SAMMSON: variants seen among roughly 807,000 people sequenced by gnomAD.
SAMMSON encodes survival associated mitochondrial melanoma specific oncogenic non-coding RNA, also known as long intergenic non-protein coding RNA 1212.
chr3:70,097,175 T>C (rs1403458368), intron 4 of SAMMSON, among the ~76,000 whole-genome samples: 3 of 152,126 alleles, frequency 2.0e-5, no homozygotes, highest in African/African-American at 4.8e-5. Flanking sequence ...TGGTAGATGA[T>C]TGTGGGATGA....
intron 4 of SAMMSON, among the ~76,000 whole-genome samples, chr3:70,210,436 GAC>G (rs1274712911): frequency 6.6e-6 from 1 of 152,038 alleles, no homozygotes; most frequent in Non-Finnish European, 1.5e-5. Flanking sequence ...CCAGAATTCT[GAC>G]ATCTGAAGTG....
At chr3:70,336,857 T>G (rs373176500) in intron 7 of SAMMSON, among the ~76,000 whole-genome samples, 8 of 126,406 alleles carry the variant, frequency 6.3e-5, no homozygotes, top group Non-Finnish European at 1.4e-4. Context: ...TGTGTGTGTG[T>G]GGAGAGAGAG....
intron 4 of SAMMSON, among the ~76,000 whole-genome samples, chr3:70,235,398 C>T (rs1701597771): frequency 6.6e-6 from 1 of 152,236 alleles, no homozygotes; most frequent in Admixed American, 6.5e-5. Flanking sequence ...TAATCCCTCA[C>T]AATTGGCTTC....
chr3:70,395,408 T>C (rs1179581205), intron 2 of SAMMSON, among the ~76,000 whole-genome samples: 1 of 150,934 alleles, frequency 6.6e-6, no homozygotes, highest in African/African-American at 2.4e-5. Context: ...TAAGAGATGT[T>C]TACTTCTACT....
intron 2 of SAMMSON, among the ~76,000 whole-genome samples, chr3:70,406,068 A>C (rs182166851): frequency 2.5e-4 from 38 of 152,224 alleles, no homozygotes; most frequent in South Asian, 4.1e-4. Context: ...TCATCACACA[A>C]AAAAAATGTA....
At chr3:70,318,989 T>G (rs192348911) in intron 7 of SAMMSON, among the ~76,000 whole-genome samples, 31 of 152,064 alleles carry the variant, frequency 2.0e-4, no homozygotes, top group Non-Finnish European at 3.4e-4. Flanking sequence ...TGAGCCAGAG[T>G]GTCTGCTAGT....
At chr3:70,158,460 T>TGAAC (rs2106691495) in intron 4 of SAMMSON, among the ~76,000 whole-genome samples, 1 of 152,220 alleles carries the variant, frequency 6.6e-6, no homozygotes, top group South Asian at 2.1e-4. Context: ...CACCAGTTGA[T>TGAAC]GAACATTTAG....
chr3:70,001,637 C>G (rs2066906077), intron 1 of SAMMSON, among the ~76,000 whole-genome samples: 1 of 152,220 alleles, frequency 6.6e-6, no homozygotes, highest in Non-Finnish European at 1.5e-5. Context: ...AAATAGCACT[C>G]TGATTTTATT....
chr3:70,311,353 C>A (rs1197910345), intron 7 of SAMMSON, among the ~76,000 whole-genome samples: 1 of 152,182 alleles, frequency 6.6e-6, no homozygotes, highest in East Asian at 1.9e-4. Flanking sequence ...AATCTGTACT[C>A]ATTAGGAGAA....
At chr3:70,061,792 G>GT (rs1332933469) in intron 3 of SAMMSON, among the ~76,000 whole-genome samples, 1 of 152,078 alleles carries the variant, frequency 6.6e-6, no homozygotes, top group Non-Finnish European at 1.5e-5. Flanking sequence ...AGCATCTCTG[G>GT]TTACCCTCTC....
At chr3:70,170,361 T>C (rs1700932084) in intron 4 of SAMMSON, among the ~76,000 whole-genome samples, 1 of 151,818 alleles carries the variant, frequency 6.6e-6, no homozygotes, top group Non-Finnish European at 1.5e-5. Flanking sequence ...TAAAAGAAGA[T>C]TTGTGATATA....
At chr3:70,226,682 G>A (rs1400035852) in intron 4 of SAMMSON, among the ~76,000 whole-genome samples, 1 of 149,388 alleles carries the variant, frequency 6.7e-6, no homozygotes, top group Non-Finnish European at 1.5e-5. Flanking sequence ...AGGTTGCAGT[G>A]AGCCGATATC....
At chr3:70,028,139 CTTCT>C (rs1274929022) in intron 3 of SAMMSON, among the ~76,000 whole-genome samples, 3 of 87,396 alleles carry the variant, frequency 3.4e-5, no homozygotes, top group Admixed American at 1.2e-4. Context: ...CCCTTCCTTC[CTTCT>C]TTCCTTCCTT....
intron 4 of SAMMSON, among the ~76,000 whole-genome samples, chr3:70,092,768 C>A (rs181760221): frequency 6.6e-6 from 1 of 152,170 alleles, no homozygotes; most frequent in East Asian, 1.9e-4. Context: ...GTCGTAAATG[C>A]AAATGTACTT....
intron 9 of SAMMSON, among the ~76,000 whole-genome samples, chr3:70,374,716 TC>T (rs1702998333): frequency 6.6e-6 from 1 of 152,104 alleles, no homozygotes; most frequent in South Asian, 2.1e-4. Context: ...TACAGTGGGG[TC>T]ATTGCGATGG....
chr3:70,306,879 C>T (rs1702406264), intron 7 of SAMMSON, among the ~76,000 whole-genome samples: 1 of 152,012 alleles, frequency 6.6e-6, no homozygotes, highest in African/African-American at 2.4e-5. Flanking sequence ...TGACTTTGCT[C>T]ATATGTATAA....
intron 4 of SAMMSON, among the ~76,000 whole-genome samples, chr3:70,223,498 T>G (rs751254141): frequency 6.6e-6 from 1 of 152,170 alleles, no homozygotes; most frequent in East Asian, 1.9e-4. Context: ...AAAGTTACTC[T>G]TGTAGATTTC....
At chr3:70,108,893 A>G (rs1326314303) in intron 4 of SAMMSON, among the ~76,000 whole-genome samples, 1 of 152,116 alleles carries the variant, frequency 6.6e-6, no homozygotes, top group Non-Finnish European at 1.5e-5. Context: ...GGTGTTTGTT[A>G]TGGCAGCCTG....
chr3:70,241,718 C>T (rs756454549), intron 4 of SAMMSON, among the ~76,000 whole-genome samples: 2 of 152,106 alleles, frequency 1.3e-5, no homozygotes, highest in Non-Finnish European at 2.9e-5. Flanking sequence ...CTAAACATTG[C>T]GGCTACTAAG....
Sources: allele counts gnomAD v4.1 joint callset (sites outside exome capture counted in the v4.1 genomes callset), GRCh38; gene constraint gnomAD v4.1.1; transcripts MANE v1.5; gene names NCBI Gene and HGNC (gene_info 2026-07-23, HGNC 2026-07-21).